CHORDC1: variants seen among roughly 807,000 people sequenced by gnomAD.
CHORDC1 encodes cysteine and histidine-rich domain-containing protein 1.
In CHORDC1, 25 loss-of-function variants were observed where a neutral mutation model predicts 48.3. The observed-to-expected ratio is 0.52, with a 90% CI of 0.38 to 0.72. The LOEUF (loss-of-function observed/expected upper bound fraction) is 0.72, where lower values mean the gene tolerates loss of function less well. CHORDC1 is among the 30% of genes least tolerant of loss of function. CHORDC1 has a pLI of 0.00. For synonymous variants in CHORDC1, 128 were observed against 126.4 expected, an observed-to-expected ratio of 1.01 and a Z score of -0.09; for missense variants, 317 against 388.7, an observed-to-expected ratio of 0.82 and a Z score of 1.55.
intron 2 of CHORDC1, 88 bp downstream of exon 2, chr11:90,218,047 G>T (rs1858062818): frequency 2.0e-6 from 2 of 980,714 alleles, no homozygotes; most frequent in Non-Finnish European, 2.9e-6. Flanking sequence ...GTCACTAGCT[G>T]AGAAAAAAAG....
intron 1 of CHORDC1, among the ~76,000 whole-genome samples, chr11:90,221,858 G>A (rs1179780338): frequency 6.6e-6 from 1 of 152,138 alleles, no homozygotes; most frequent in African/African-American, 2.4e-5. Flanking sequence ...CAGAGGTGAA[G>A]AGTTCAAAAG....
chr11:90,204,862 A>G (rs939893008), intron 8 of CHORDC1, among the ~76,000 whole-genome samples: 3 of 152,106 alleles, frequency 2.0e-5, no homozygotes, highest in African/African-American at 7.2e-5. Flanking sequence ...TCCTCTCACA[A>G]TTTAATGGGG....
intron 2 of CHORDC1, among the ~76,000 whole-genome samples, chr11:90,217,504 A>G (rs952500396): frequency 6.6e-6 from 1 of 152,232 alleles, no homozygotes; most frequent in African/African-American, 2.4e-5. Context: ...CTAAATGTTT[A>G]TAAGAATCTT....
chr11:90,202,404 C>T lies in CHORDC1; in HGVS notation c.*1G>A. Reference sequence around the variant, plus strand: ...GTAATAGCCTTCCTTCCATCTCCCACTCAATCTGTTGTGGCATCTTTTTGT... The same window carrying T: ...GTAATAGCCTTCCTTCCATCTCCCATTCAATCTGTTGTGGCATCTTTTTGT... On this transcript the variant is annotated 3_prime_UTR_variant, in exon 11 of 11. Transcript: ENST00000320585. 1.2e-6 allele frequency: 2 copies of T among 1,611,412 alleles called. No individual in the cohort carries two copies. The highest frequency in any genetic ancestry group is 1.7e-6 in the Non-Finnish European group (2 of 1,179,428).
At chr11:90,205,855 T>G in intron 7 of CHORDC1, 1 of 448,128 alleles carries the variant, frequency 2.2e-6, no homozygotes, top group African/African-American at 2.0e-5. Context: ...GATAATGTTG[T>G]CTTAGTGCCC....
chr11:90,217,068 T>TA (rs908808337), intron 2 of CHORDC1, among the ~76,000 whole-genome samples: 9 of 152,154 alleles, frequency 5.9e-5, no homozygotes, highest in African/African-American at 1.9e-4. Flanking sequence ...TTGTAAAAAC[T>TA]AAAAAAATGT....
rs761889849 is a variant in CHORDC1, at chr11:90,222,916, G to T, written c.39C>A (p.Arg13=). The stretch of plus-strand genomic sequence containing the variant: ...CGTCGGAATTGGTCTCAGGATCGAA[G>T]CGCTGACCGCAGCCCCGGTTGTAGC... ...LLCYNRGCGQ[R]FDPETNSDDA... is the part of the protein sequence containing the mutation. Residue 13 remains arginine (R), a synonymous_variant, in exon 1 of 11, where the codon CGC becomes CGA. Coordinates refer to ENST00000320585, the MANE Select transcript of CHORDC1 (RefSeq NM_012124.3). The T allele has an allele frequency of 3.1e-6, 5 of 1,614,024 alleles. No homozygotes were observed. The African/African-American group carries it at 6.7e-5, about 22-fold the overall frequency.
At chr11:90,221,100 A>G (rs1158521035) in intron 1 of CHORDC1, among the ~76,000 whole-genome samples, 2 of 152,154 alleles carry the variant, frequency 1.3e-5, no homozygotes, top group Admixed American at 1.3e-4. Context: ...CGAGAAAAAA[A>G]GCATTTAGTG....
chr11:90,207,003 T>G (rs139121140), intron 6 of CHORDC1: 223 of 336,930 alleles, frequency 6.6e-4, no homozygotes, highest in African/African-American at 4.4e-3. Context: ...AAACTCAGTA[T>G]GTTAGCATCT....
At chr11:90,220,951 T>C (rs1014445329) in intron 1 of CHORDC1, among the ~76,000 whole-genome samples, 2 of 152,114 alleles carry the variant, frequency 1.3e-5, no homozygotes, top group African/African-American at 4.8e-5. Context: ...ACCAACTGTG[T>C]CTCCCTTAAA....
At chr11:90,205,425 A>C in intron 8 of CHORDC1, 35 bp downstream of exon 8, 1 of 1,156,442 alleles carries the variant, frequency 8.6e-7, no homozygotes, top group Non-Finnish European at 1.3e-6. Flanking sequence ...AGATGAATAT[A>C]AACCCAGTGT....
At chr11:90,216,426 T>C (rs1295516032) in intron 2 of CHORDC1, 2 of 248,934 alleles carry the variant, frequency 8.0e-6, no homozygotes, top group African/African-American at 4.7e-5. Flanking sequence ...AATATTAAAA[T>C]AGTATTTCTT....
rs1207955765 is a variant in CHORDC1, at chr11:90,200,603, T to C, written c.*1802A>G. Among the ~76,000 whole-genome samples, 4 of 151,898 alleles carry C rather than the reference T, an allele frequency of 2.6e-5. No individual in the cohort carries two copies. The highest frequency in any genetic ancestry group is 2.1e-4 in the South Asian group (1 of 4,824). On this transcript the variant is annotated 3_prime_UTR_variant, in exon 11 of 11. Coordinates refer to ENST00000320585, the MANE Select transcript of CHORDC1 (RefSeq NM_012124.3). ...CTCCTTAAGAAGAAAGTAAATACCA[T>C]GGTCACTAATGTAACCAGACTAAAT...
intron 6 of CHORDC1, 102 bp from the exon 7 acceptor site, chr11:90,206,374 T>C: frequency 1.5e-6 from 1 of 680,490 alleles, no homozygotes; most frequent in Non-Finnish European, 2.7e-6. Flanking sequence ...TGCAAAATAC[T>C]TAAATGACAA....
chr11:90,218,105 A>AT (rs1177954173), intron 2 of CHORDC1, 30 bp downstream of exon 2: 7 of 1,467,112 alleles, frequency 4.8e-6, no homozygotes, highest in Non-Finnish European at 5.5e-6. Flanking sequence ...TACTACACAG[A>AT]TATGAAAAAA....
Position 90,201,916 on chromosome 11 carries a change from TAAAA to T in CHORDC1, c.*485_*488del, listed in dbSNP as rs1857552590. On this transcript the variant is annotated 3_prime_UTR_variant, in exon 11 of 11. Transcript: ENST00000320585. ...ATACTACCTCAGAATTAATCCTCCT[TAAAA>T]AAGTAATCATCCCACATAGAAAAAA... 2 of 152,322 alleles carry T rather than the reference TAAAA, an allele frequency of 1.3e-5. No homozygotes were observed. Among genetic ancestry groups the T allele is most frequent in the Non-Finnish European group, 1.5e-5 (1 of 68,080 alleles). 9.4% of individuals were successfully genotyped at this position (152,322 alleles called of 1,614,324 possible).
intron 6 of CHORDC1, chr11:90,206,640 C>A (rs1262551267): frequency 2.3e-6 from 1 of 442,572 alleles, no homozygotes; most frequent in African/African-American, 2.1e-5. Flanking sequence ...GTACAGTAAA[C>A]TCCATGTAAG....
At chr11:90,213,939 GCTAAATCATAAAGGAA>G in intron 4 of CHORDC1, 63 bp downstream of exon 4, 1 of 1,227,172 alleles carries the variant, frequency 8.1e-7, no homozygotes, top group Non-Finnish European at 1.1e-6. Context: ...ATGGTATCAT[GCTAAATCATAAAGGAA>G]AGTACCATGC....
At chr11:90,214,427 A>C (rs1398655757) in intron 3 of CHORDC1, among the ~76,000 whole-genome samples, 1 of 152,108 alleles carries the variant, frequency 6.6e-6, no homozygotes, top group African/African-American at 2.4e-5. Flanking sequence ...TATGGCATAA[A>C]CCTCTTGTTT....
Sources: allele counts gnomAD v4.1 joint callset (sites outside exome capture counted in the v4.1 genomes callset), GRCh38; gene constraint gnomAD v4.1.1; transcripts MANE v1.5; gene names NCBI Gene and HGNC (gene_info 2026-07-23, HGNC 2026-07-21).